The following DMD variants were observed in gnomAD, a reference collection of about 807,000 sequenced individuals.
DMD encodes the protein mutant dystrophin.
DMD carries 63 observed loss-of-function variants against 330.1 expected under a neutral mutation model. That is an observed-to-expected ratio of 0.19 (90% CI 0.16 to 0.24). The LOEUF (loss-of-function observed/expected upper bound fraction) is 0.24, where lower values mean the gene tolerates loss of function less well. Among genes scored for constraint, DMD ranks in the 10% least tolerant of loss-of-function variants. The pLI, the probability that DMD is intolerant of heterozygous loss-of-function variation, is 1.00. For missense variants in DMD, 3,344 were observed against 2,684.1 expected, an observed-to-expected ratio of 1.25 and a Z score of -5.43; for synonymous variants, 1,223 against 959.8, an observed-to-expected ratio of 1.27 and a Z score of -5.07.
At chrX:32,480,793 T>A (rs915978739) in intron 21 of DMD, among the ~76,000 whole-genome samples, 9 of 110,627 alleles carry the variant, frequency 8.1e-5, no homozygotes, top group African/African-American at 2.0e-4. Context: ...CATAGCTTGC[T>A]TAAATAAACA....
intron 13 of DMD, among the ~76,000 whole-genome samples, chrX:32,576,154 T>C (rs1318880222): frequency 9.0e-6 from 1 of 111,696 alleles, no homozygotes; most frequent in Non-Finnish European, 1.9e-5. Context: ...TTCTCCTTTA[T>C]CCATAGGGGA....
chrX:32,279,985 C>CAT (rs1287188993), intron 43 of DMD, among the ~76,000 whole-genome samples: 1 of 90,007 alleles, frequency 1.1e-5, no homozygotes, highest in Non-Finnish European at 2.3e-5. Flanking sequence ...ATGTACCCCA[C>CAT]ATATATATAT....
At chrX:32,408,063 T>C (rs1157243918) in intron 30 of DMD, among the ~76,000 whole-genome samples, 4 of 109,903 alleles carry the variant, frequency 3.6e-5, no homozygotes, top group East Asian at 5.8e-4. Flanking sequence ...ACATGGCACA[T>C]GTATACATAT....
chrX:33,108,854 G>A (rs1381655853), intron 1 of DMD, among the ~76,000 whole-genome samples: 6 of 10,839 alleles, frequency 5.5e-4, no homozygotes, highest in Non-Finnish European at 1.8e-3. Flanking sequence ...CAACAAGAGT[G>A]AAACTCCGTT....
At chrX:31,212,473 A>C (rs1468848819) in intron 64 of DMD, among the ~76,000 whole-genome samples, 1 of 110,170 alleles carries the variant, frequency 9.1e-6, no homozygotes, top group Non-Finnish European at 1.9e-5. Flanking sequence ...GCGAGCAGGC[A>C]GGACTTCAAC....
chrX:33,318,476 C>G lies in DMD; in HGVS notation c.7+20783G>C, dbSNP rs1247204199. Among the ~76,000 whole-genome samples, 3 of 103,464 alleles carry G rather than the reference C, an allele frequency of 2.9e-5. No homozygotes were observed. The Admixed American group carries it at 3.2e-4, about 11-fold the overall frequency. The allele number at this position is 103,464 out of a possible 115,157, so 89.8% of individuals were successfully genotyped here. ...TTTTTTTTTTTTTTCGAGACAGAGT[C>G]TTGCTCTGTCACCCAGGGTGAAGTG... is the stretch of plus-strand genomic sequence containing the variant. On this transcript the variant is annotated intron_variant, in intron 1 of 17. Coordinates refer to the DMD transcript ENST00000288447.
chrX:33,001,421 G>C (rs945824399), intron 2 of DMD, among the ~76,000 whole-genome samples: 1 of 111,771 alleles, frequency 8.9e-6, no homozygotes. Context: ...CAGTCTATAA[G>C]TCTGACTATA....
chrX:31,689,941 C>T (rs2082992338), intron 52 of DMD, among the ~76,000 whole-genome samples: 1 of 111,844 alleles, frequency 8.9e-6, no homozygotes, highest in African/African-American at 3.3e-5. Flanking sequence ...AACTGGATCC[C>T]TTCCTTATAC....
chrX:32,359,169 G>C, intron 37 of DMD, among the ~76,000 whole-genome samples: 1 of 111,806 alleles, frequency 8.9e-6, no homozygotes, highest in Non-Finnish European at 1.9e-5. Flanking sequence ...GGACAGTCAA[G>C]TCCTCAGCCA....
intron 47 of DMD, 124 bp downstream of exon 47, chrX:31,929,472 C>CAAAAT: frequency 1.2e-6 from 1 of 869,216 alleles, no homozygotes; most frequent in Non-Finnish European, 1.7e-6. Context: ...GTTAAAAAAA[C>CAAAAT]AAAACAAAAC....
chrX:31,448,011 C>CAAA (rs1198070119), intron 59 of DMD, among the ~76,000 whole-genome samples: 13 of 35,245 alleles, frequency 3.7e-4, no homozygotes, highest in East Asian at 8.2e-4. Context: ...ACTCTGTCTC[C>CAAA]AAAAAAAAAA....
At chrX:33,197,334 T>C (rs559933814) in intron 1 of DMD, among the ~76,000 whole-genome samples, 2 of 112,358 alleles carry the variant, frequency 1.8e-5, no homozygotes, top group Admixed American at 1.9e-4. Context: ...CCAATGTTGA[T>C]ACCATGTATA....
intron 1 of DMD, among the ~76,000 whole-genome samples, chrX:33,122,997 C>T (rs767198218): frequency 2.7e-5 from 3 of 112,359 alleles, no homozygotes; most frequent in South Asian, 3.7e-4. Context: ...ACTGCATATA[C>T]CGCAGTGGTC....
chrX:32,752,653 A>T (rs1186971880), intron 7 of DMD, among the ~76,000 whole-genome samples: 2 of 107,827 alleles, frequency 1.9e-5, no homozygotes, highest in Non-Finnish European at 3.8e-5. Context: ...TGAGGATATG[A>T]GATTTGGGAG....
chrX:31,560,768 T>C (rs1157449162), intron 55 of DMD, among the ~76,000 whole-genome samples: 2 of 107,043 alleles, frequency 1.9e-5, no homozygotes, highest in Non-Finnish European at 1.9e-5. Flanking sequence ...ACTTAATTAA[T>C]AGTAAATATA....
intron 76 of DMD, among the ~76,000 whole-genome samples, chrX:31,137,612 T>C (rs1407008267): frequency 9.1e-6 from 1 of 110,185 alleles, no homozygotes; most frequent in Non-Finnish European, 1.9e-5. Flanking sequence ...TTCAAATGGT[T>C]GAACAGTGCC....
chrX:31,525,557 ACT>A (rs1468217667), intron 55 of DMD, among the ~76,000 whole-genome samples: 1 of 112,119 alleles, frequency 8.9e-6, no homozygotes, highest in African/African-American at 3.2e-5. Context: ...TCTTTAATTT[ACT>A]GATGCTGACA....
At chrX:31,914,750 C>T (rs1232562545) in intron 47 of DMD, among the ~76,000 whole-genome samples, 6 of 111,506 alleles carry the variant, frequency 5.4e-5, no homozygotes, top group Non-Finnish European at 1.1e-4. Flanking sequence ...GTGGAGGAGT[C>T]GGGGAGGGGG....
intron 59 of DMD, among the ~76,000 whole-genome samples, chrX:31,474,871 C>A (rs5927015): frequency 8.2e-5 from 9 of 110,362 alleles, no homozygotes; most frequent in Non-Finnish European, 1.7e-4. Context: ...TACTTTTTTT[C>A]TGAAATAAAT....
Sources: allele counts gnomAD v4.1 joint callset (sites outside exome capture counted in the v4.1 genomes callset), GRCh38; gene constraint gnomAD v4.1.1; transcripts MANE v1.5; gene names NCBI Gene and HGNC (gene_info 2026-07-23, HGNC 2026-07-21).